The following SLC44A5 variants were observed in gnomAD, a reference collection of about 807,000 sequenced individuals.
SLC44A5 encodes solute carrier family 44 member 5.
Under a neutral mutation model 101.8 loss-of-function variants are expected in SLC44A5, and 57 were observed. That is an observed-to-expected ratio of 0.56 (90% CI 0.45 to 0.70). The LOEUF (loss-of-function observed/expected upper bound fraction) is 0.70, where lower values mean the gene tolerates loss of function less well. Ranked by LOEUF, SLC44A5 falls within the 30% of genes least tolerant of loss-of-function variation. The pLI is 0.00. For missense variants in SLC44A5, 737 were observed against 853.1 expected (o/e 0.86, Z 1.70); for synonymous variants, 281 against 290.9 (o/e 0.97, Z 0.35).
intron 3 of SLC44A5, among the ~76,000 whole-genome samples, chr1:75,384,690 C>G (rs1354306493): frequency 1.6e-5 from 2 of 122,962 alleles, no homozygotes; most frequent in Non-Finnish European, 3.4e-5. Flanking sequence ...TTGAACTCAG[C>G]TCTGCACCAA....
intron 2 of SLC44A5, among the ~76,000 whole-genome samples, chr1:75,443,121 T>C (rs1341079481): frequency 6.6e-6 from 1 of 152,160 alleles, no homozygotes; most frequent in African/African-American, 2.4e-5. Context: ...TTTTGGTAAT[T>C]CAATAGCAGC....
At chr1:75,462,732 T>G (rs776653941) in intron 2 of SLC44A5, among the ~76,000 whole-genome samples, 3 of 151,978 alleles carry the variant, frequency 2.0e-5, no homozygotes, top group Non-Finnish European at 4.4e-5. Flanking sequence ...AGCTGAAAAG[T>G]GCAATTGACA....
chr1:75,433,468 A>G (rs1284178067), intron 2 of SLC44A5, among the ~76,000 whole-genome samples: 1 of 152,174 alleles, frequency 6.6e-6, no homozygotes, highest in African/African-American at 2.4e-5. Context: ...TAAGTCAATT[A>G]TATCACCAGT....
In SLC44A5 at chr1:75,338,349, G is replaced by A. The variant is rs146054601; in HGVS notation, c.101+1233C>T. ...CTTTTACTACACCTAAAACCAGCCA[G>A]GCATAATTCTGCTCTCTTATCTATG... On this transcript the variant is annotated intron_variant, in intron 4 of 23. Transcript: ENST00000370859. Among the ~76,000 whole-genome samples, 884 of 152,070 alleles carry A rather than the reference G, an allele frequency of 5.8e-3. 16 individuals carry two copies. Among genetic ancestry groups the A allele is most frequent in the African/African-American group, 0.021 (853 of 41,494 alleles).
chr1:75,634,394 G>A, the SLC44A5 span, among the ~76,000 whole-genome samples: 6 of 151,896 alleles, frequency 4.0e-5, no homozygotes, highest in African/African-American at 9.7e-5. Flanking sequence ...GAGGCATCAC[G>A]CTACCTGACT....
At chr1:75,553,688 A>G (rs967672175) in intron 1 of SLC44A5, among the ~76,000 whole-genome samples, 1 of 152,186 alleles carries the variant, frequency 6.6e-6, no homozygotes, top group South Asian at 2.1e-4. Flanking sequence ...GTCTTACAGG[A>G]CACCTTAATA....
chr1:75,474,288 C>T (rs919022485), intron 2 of SLC44A5, among the ~76,000 whole-genome samples: 1 of 152,166 alleles, frequency 6.6e-6, no homozygotes. Context: ...CCAGTCTAAA[C>T]TTACTAGATT....
intron 2 of SLC44A5, among the ~76,000 whole-genome samples, chr1:75,415,048 C>G (rs1476243909): frequency 2.6e-5 from 4 of 152,102 alleles, no homozygotes; most frequent in Non-Finnish European, 5.9e-5. Flanking sequence ...GGGAGTGGAA[C>G]AGTATTCTAG....
intron 1 of SLC44A5, among the ~76,000 whole-genome samples, chr1:75,609,315 T>A (rs1017855501): frequency 6.6e-6 from 1 of 152,012 alleles, no homozygotes; most frequent in Non-Finnish European, 1.5e-5. Context: ...GTTTTTTCTT[T>A]TTTAATTGGC....
At chr1:75,312,204 C>T (rs1018595582) in intron 4 of SLC44A5, among the ~76,000 whole-genome samples, 1 of 152,186 alleles carries the variant, frequency 6.6e-6, no homozygotes, top group African/African-American at 2.4e-5. Context: ...TCCTTGCCTT[C>T]CACCATGATT....
intron 2 of SLC44A5, chr1:75,398,482 G>C: frequency 2.7e-6 from 2 of 746,444 alleles, no homozygotes; most frequent in Non-Finnish European, 3.3e-6. Flanking sequence ...CACAGATGAA[G>C]TTAAATCCTC....
intron 2 of SLC44A5, among the ~76,000 whole-genome samples, chr1:75,405,744 G>A (rs983803358): frequency 6.6e-6 from 1 of 151,986 alleles, no homozygotes; most frequent in African/African-American, 2.4e-5. Context: ...AGTGCCCACA[G>A]GAGAAAGAAG....
chr1:75,720,880 G>T, the SLC44A5 span, among the ~76,000 whole-genome samples: 1 of 152,018 alleles, frequency 6.6e-6, no homozygotes, highest in Non-Finnish European at 1.5e-5. Context: ...GGCGGGGGGA[G>T]GTTCCAGGTT....
chr1:75,635,232 A>G, the SLC44A5 span, among the ~76,000 whole-genome samples: 1 of 151,488 alleles, frequency 6.6e-6, no homozygotes, highest in East Asian at 2.0e-4. Context: ...TAGTTCAACC[A>G]TTGTGGAAGT....
At chr1:75,476,479 G>A (rs932161660) in intron 2 of SLC44A5, among the ~76,000 whole-genome samples, 1 of 152,208 alleles carries the variant, frequency 6.6e-6, no homozygotes, top group African/African-American at 2.4e-5. Flanking sequence ...CAAGGGGTCA[G>A]GGAGTTCTCT....
chr1:75,440,449 G>C (rs1665132373), intron 2 of SLC44A5, among the ~76,000 whole-genome samples: 1 of 152,106 alleles, frequency 6.6e-6, no homozygotes, highest in Admixed American at 6.6e-5. Flanking sequence ...AGCAGTGGGA[G>C]TGACAGTGAG....
At chr1:75,209,747 G>A (rs994643103) in intron 23 of SLC44A5, among the ~76,000 whole-genome samples, 1 of 152,174 alleles carries the variant, frequency 6.6e-6, no homozygotes, top group African/African-American at 2.4e-5. Context: ...CTTGATCCCA[G>A]TGTGAAGTTG....
chr1:75,293,974 A>G (rs1168279199), intron 5 of SLC44A5, among the ~76,000 whole-genome samples: 1 of 152,228 alleles, frequency 6.6e-6, no homozygotes, highest in African/African-American at 2.4e-5. Context: ...TTTGTAAAAA[A>G]TGCAAAAGGA....
intron 1 of SLC44A5, among the ~76,000 whole-genome samples, chr1:75,543,180 C>T (rs1030354067): frequency 1.3e-5 from 2 of 152,134 alleles, no homozygotes; most frequent in African/African-American, 4.8e-5. Flanking sequence ...TATAAATACT[C>T]ATAACTGACA....
Sources: gnomAD v4.1 joint callset for allele counts (sites outside exome capture counted in the v4.1 genomes callset) on GRCh38, gnomAD v4.1.1 for gene constraint, MANE v1.5 for transcripts, NCBI Gene and HGNC (gene_info 2026-07-23, HGNC 2026-07-21) for gene names.